The following RNF150 variants were observed in gnomAD, a reference collection of about 807,000 sequenced individuals.
The protein encoded by RNF150 is ring finger protein 150.
In RNF150, 24 loss-of-function variants were observed where a neutral mutation model predicts 39.3. The observed-to-expected ratio is 0.61, with a 90% CI of 0.44 to 0.86. RNF150 has a LOEUF of 0.86. Among genes scored for constraint, RNF150 ranks in the 40% least tolerant of loss-of-function variants. The probability of loss-of-function intolerance (pLI) is 0.00; values close to 1 mark genes in which losing one functional copy is unlikely to be tolerated. For missense variants in RNF150, 502 were observed against 587.8 expected (o/e 0.85, Z 1.51); for synonymous variants, 255 against 227.3 (o/e 1.12, Z -1.10).
At position 140,868,365 on chromosome 4, in the gene RNF150, C is replaced by T. The variant is rs1410742008; in HGVS notation, c.1213G>A (p.Ala405Thr). 1.2e-6 allele frequency: 2 copies of T among 1,609,270 alleles called. No homozygotes were observed. Among genetic ancestry groups the T allele is most frequent in the Admixed American group, 1.7e-5 (1 of 60,006 alleles). Residue 405 changes from alanine to threonine, a missense_variant, in exon 7 of 7, where the codon GCT becomes ACT. Ala to Thr is a moderately conservative substitution (Grantham distance 58). Coordinates refer to ENST00000515673, the MANE Select transcript of RNF150 (RefSeq NM_020724.2). ...GAAATGTCAGAATCACTGCTTACAGCTGGCTCCTGCTCACCTGGGAGGAGA... is the reference window on the plus strand; with the variant it reads ...GAAATGTCAGAATCACTGCTTACAGTTGGCTCCTGCTCACCTGGGAGGAGA... The part of the protein sequence containing the change: ...IFTTNSEQEP[A>T]VSSDSDISLI...
intron 2 of RNF150, among the ~76,000 whole-genome samples, chr4:140,963,466 A>T (rs1277149775): frequency 6.6e-6 from 1 of 152,104 alleles, no homozygotes; most frequent in East Asian, 1.9e-4. Context: ...AGAATTTTGA[A>T]GTTTATTTTA....
rs1156885705 is a variant in RNF150 at position 140,868,075 on chromosome 4, C to T, written c.*186G>A. ...CTGCCAAGGCCACAGACTGCCATAC[C>T]GATGGAGAAACTGCATCCTGATTGA... is the stretch of plus-strand genomic sequence containing the variant. On this transcript the variant is annotated 3_prime_UTR_variant, in exon 7 of 7. Transcript: ENST00000515673. 3.7e-6 allele frequency: 2 copies of T among 542,906 alleles called. No homozygotes were observed. The highest frequency in any genetic ancestry group is 3.0e-5 in the East Asian group (1 of 33,028). 33.6% of individuals were successfully genotyped at this position (542,906 alleles called of 1,614,324 possible).
At chr4:141,093,352 C>T (rs371813850) in intron 1 of RNF150, among the ~76,000 whole-genome samples, 25 of 131,534 alleles carry the variant, frequency 1.9e-4, no homozygotes, top group African/African-American at 4.5e-4. Context: ...GGCAACAGAG[C>T]GAGACTCCAT....
chr4:140,871,910 G>A (rs1728962330), intron 6 of RNF150, among the ~76,000 whole-genome samples: 1 of 152,198 alleles, frequency 6.6e-6, no homozygotes, highest in Non-Finnish European at 1.5e-5. Flanking sequence ...ACAGTGCAAG[G>A]CAAAGGTGAA....
intron 1 of RNF150, among the ~76,000 whole-genome samples, chr4:141,189,921 G>A (rs1728075440): frequency 6.6e-6 from 1 of 152,210 alleles, no homozygotes; most frequent in African/African-American, 2.4e-5. Flanking sequence ...CTGTTTTGCT[G>A]GGGTTCCAGG....
At chr4:140,921,469 A>T (rs1241196190) in intron 5 of RNF150, among the ~76,000 whole-genome samples, 1 of 152,206 alleles carries the variant, frequency 6.6e-6, no homozygotes, top group Non-Finnish European at 1.5e-5. Context: ...AATTGAGGCA[A>T]TAATTAATAG....
intron 1 of RNF150, among the ~76,000 whole-genome samples, chr4:141,070,684 A>C (rs1737659831): frequency 7.6e-6 from 1 of 132,334 alleles, no homozygotes; most frequent in Non-Finnish European, 1.8e-5. Context: ...ACAATGAGAT[A>C]CCATCTCACA....
chr4:141,027,196 G>C (rs1448500340), intron 1 of RNF150, among the ~76,000 whole-genome samples: 1 of 152,170 alleles, frequency 6.6e-6, no homozygotes, highest in East Asian at 1.9e-4. Context: ...CCGGAATGCA[G>C]TGAATCCAGG....
At chr4:140,975,377 G>A (rs763146745) in intron 1 of RNF150, among the ~76,000 whole-genome samples, 14 of 152,176 alleles carry the variant, frequency 9.2e-5, no homozygotes, top group Non-Finnish European at 1.6e-4. Context: ...CAGATTTTGA[G>A]TTTGTGCAGG....
intron 6 of RNF150, among the ~76,000 whole-genome samples, chr4:140,890,265 T>C (rs573564884): frequency 1.3e-5 from 2 of 152,344 alleles, no homozygotes; most frequent in East Asian, 3.9e-4. Flanking sequence ...TGTTTTCAGA[T>C]TTAATTCGTT....
chr4:141,124,373 G>A (rs945532577), intron 1 of RNF150, among the ~76,000 whole-genome samples: 1 of 152,190 alleles, frequency 6.6e-6, no homozygotes, highest in East Asian at 1.9e-4. Context: ...CACTAGTTCA[G>A]GGAAGAGTAG....
intron 1 of RNF150, among the ~76,000 whole-genome samples, chr4:140,982,531 T>TC (rs1350853926): frequency 6.6e-6 from 1 of 151,612 alleles, no homozygotes; most frequent in Non-Finnish European, 1.5e-5. Flanking sequence ...TTTTTTTTTT[T>TC]TGGTGAGAAT....
chr4:141,212,138 T>C (rs1199914636), intron 1 of RNF150, among the ~76,000 whole-genome samples: 1 of 152,142 alleles, frequency 6.6e-6, no homozygotes, highest in East Asian at 1.9e-4. Context: ...TGGATGACTA[T>C]AGGCTCAAGG....
intron 1 of RNF150, among the ~76,000 whole-genome samples, chr4:141,067,262 T>C (rs746764564): frequency 1.3e-5 from 2 of 152,208 alleles, no homozygotes; most frequent in Non-Finnish European, 2.9e-5. Flanking sequence ...TCTAAAAAAC[T>C]ACCATTTTGC....
At chr4:141,172,072 C>T (rs148514767) in intron 1 of RNF150, among the ~76,000 whole-genome samples, 140 of 152,264 alleles carry the variant, frequency 9.2e-4, no homozygotes, top group African/African-American at 3.2e-3. Flanking sequence ...TAGAAAAGCA[C>T]CACAAAATTT....
chr4:141,058,510 T>C (rs533900012), intron 1 of RNF150, among the ~76,000 whole-genome samples: 2 of 152,298 alleles, frequency 1.3e-5, no homozygotes, highest in East Asian at 3.9e-4. Context: ...TCATGTTTAG[T>C]AACAGTTGCC....
chr4:140,977,991 A>G (rs1733725407), intron 1 of RNF150, among the ~76,000 whole-genome samples: 1 of 152,094 alleles, frequency 6.6e-6, no homozygotes. Context: ...GAAGATGGGG[A>G]GTGTGCTGTC....
intron 1 of RNF150, among the ~76,000 whole-genome samples, chr4:140,973,370 A>G (rs994904445): frequency 2.6e-5 from 4 of 152,148 alleles, no homozygotes; most frequent in Non-Finnish European, 5.9e-5. Context: ...TTTGTAATAC[A>G]TGTACATTTT....
At chr4:141,155,818 A>G (rs1359247632) in intron 1 of RNF150, among the ~76,000 whole-genome samples, 2 of 152,188 alleles carry the variant, frequency 1.3e-5, no homozygotes, top group Non-Finnish European at 2.9e-5. Flanking sequence ...TGCCGAAACC[A>G]CAAAAACGAA....
Sources: gnomAD v4.1 joint callset for allele counts (sites outside exome capture counted in the v4.1 genomes callset) on GRCh38, gnomAD v4.1.1 for gene constraint, MANE v1.5 for transcripts, NCBI Gene and HGNC (gene_info 2026-07-23, HGNC 2026-07-21) for gene names.